ZBBX: variants seen among roughly 807,000 people sequenced by gnomAD.
ZBBX encodes zinc finger B-box domain containing.
In ZBBX, 101 loss-of-function variants were observed where a neutral mutation model predicts 108.5. The ratio of observed to expected loss-of-function variants is 0.93; its 90% CI spans 0.79 to 1.10. ZBBX has a LOEUF of 1.10. ZBBX is among the 50% of genes least tolerant of loss of function. The probability of loss-of-function intolerance (pLI) is 0.00; values close to 1 mark genes in which losing one functional copy is unlikely to be tolerated. For missense variants in ZBBX, 1,009 were observed against 941.4 expected (o/e 1.07, Z -0.94); for synonymous variants, 356 against 323.4 (o/e 1.10, Z -1.08).
chr3:167,181,045 T>C, the ZBBX span, among the ~76,000 whole-genome samples: 2,032 of 152,312 alleles, frequency 0.013, 22 homozygotes, highest in South Asian at 0.026. Flanking sequence ...CTTAAGTTAG[T>C]GGCTATTGTT....
At chr3:167,330,811 G>A (rs1346998275) in intron 10 of ZBBX, among the ~76,000 whole-genome samples, 3 of 147,966 alleles carry the variant, frequency 2.0e-5, no homozygotes, top group African/African-American at 7.5e-5. Flanking sequence ...AGAAGAAGGA[G>A]GAGGAGAAGC....
At chr3:167,215,251 A>G in the ZBBX span, among the ~76,000 whole-genome samples, 1 of 149,118 alleles carries the variant, frequency 6.7e-6, no homozygotes, top group Non-Finnish European at 1.5e-5. Context: ...TTAAAAATAA[A>G]AGAGAGAAGA....
the ZBBX span, among the ~76,000 whole-genome samples, chr3:167,203,284 A>C: frequency 6.6e-6 from 1 of 151,970 alleles, no homozygotes; most frequent in African/African-American, 2.4e-5. Context: ...TGTTTATAGC[A>C]ACACCAGTCA....
upstream of ZBBX, among the ~76,000 whole-genome samples, chr3:167,384,558 A>G (rs1747847891): frequency 6.6e-6 from 1 of 152,038 alleles, no homozygotes; most frequent in African/African-American, 2.4e-5. Context: ...GTTACTTAGG[A>G]GACAACCATA....
At chr3:167,363,342 C>A (rs1178712251) in intron 6 of ZBBX, among the ~76,000 whole-genome samples, 1 of 152,018 alleles carries the variant, frequency 6.6e-6, no homozygotes, top group Non-Finnish European at 1.5e-5. Context: ...AAATTCATCC[C>A]ATTTCCCTTA....
At chr3:167,333,337 A>G (rs149840653) in intron 10 of ZBBX, among the ~76,000 whole-genome samples, 1 of 152,252 alleles carries the variant, frequency 6.6e-6, no homozygotes, top group Non-Finnish European at 1.5e-5. Context: ...TATAGACATG[A>G]GTTGATAAAA....
intron 1 of ZBBX, among the ~76,000 whole-genome samples, chr3:167,403,586 A>G (rs1052533623): frequency 1.3e-5 from 2 of 152,118 alleles, no homozygotes; most frequent in Admixed American, 6.6e-5. Flanking sequence ...AAAATGAAAC[A>G]TTTATATTGT....
At position 167,240,701 on chromosome 3, in the gene ZBBX, C is replaced by A. The variant is rs1039359348; in HGVS notation, c.*92G>T. 13 of 1,443,604 alleles carry A rather than the reference C, an allele frequency of 9.0e-6. 1 individual carries two copies. In the South Asian group the frequency reaches 1.4e-4, roughly 15 times the overall value. The allele number at this position is 1,443,604 out of a possible 1,614,324, so 89.4% of individuals were successfully genotyped here. On this transcript the variant is annotated 3_prime_UTR_variant, in exon 22 of 22. Coordinates refer to ENST00000675490, the MANE Select transcript of ZBBX (RefSeq NM_001199201.2). ...TCAAAGACATTAGTAATCAAAATCT[C>A]CAGCACTTGGATAGGTAATCACTTG...
intron 1 of ZBBX, among the ~76,000 whole-genome samples, chr3:167,396,239 G>T (rs1748232202): frequency 6.6e-6 from 1 of 151,880 alleles, no homozygotes; most frequent in African/African-American, 2.4e-5. Flanking sequence ...CATTTCCCTG[G>T]CTCTGTGTCA....
intron 9 of ZBBX, among the ~76,000 whole-genome samples, chr3:167,348,368 G>GAAAGAAAGAAAGAAA (rs1431515037): frequency 1.8e-5 from 2 of 111,660 alleles, no homozygotes; most frequent in African/African-American, 6.8e-5. Flanking sequence ...AAGAAAGAAA[G>GAAAGAAAGAAAGAAA]AAAAAAAAGA....
rs927142044 is a variant in ZBBX, at chr3:167,305,873, T to A, written c.1495A>T (p.Ser499Cys). ...TTTAAATTTCTTTCAAAGGAGGTGC[T>A]TTCCTCAATTTTTTCAATGTCAGAA... ...YSSDIEKIEE[S>C]TSFERNLKEK... The change falls in exon 17 of 22, where the codon AGC (serine) becomes TGC (cysteine). Residue 499 changes from serine (S) to cysteine (C), a missense_variant. Coordinates refer to ENST00000675490, the MANE Select transcript of ZBBX (RefSeq NM_001199201.2). 16 of 1,608,562 alleles carry A rather than the reference T, an allele frequency of 9.9e-6. No homozygotes were observed. Among genetic ancestry groups the A allele is most frequent in the African/African-American group, 1.3e-5 (1 of 74,622 alleles).
intron 8 of ZBBX, among the ~76,000 whole-genome samples, chr3:167,359,161 T>C (rs1416928116): frequency 6.6e-6 from 1 of 152,106 alleles, no homozygotes; most frequent in Non-Finnish European, 1.5e-5. Context: ...AAATTTAACA[T>C]GGATGAATCA....
At chr3:167,226,173 GAGTT>G in the ZBBX span, among the ~76,000 whole-genome samples, 1 of 151,208 alleles carries the variant, frequency 6.6e-6, no homozygotes, top group Non-Finnish European at 1.5e-5. Flanking sequence ...AATAATAAAA[GAGTT>G]AGAGCCAGAT....
At chr3:167,349,779 T>C (rs893918213) in intron 9 of ZBBX, among the ~76,000 whole-genome samples, 2 of 152,094 alleles carry the variant, frequency 1.3e-5, no homozygotes, top group Non-Finnish European at 2.9e-5. Context: ...TAAATTACTA[T>C]AAAATGAATA....
intron 17 of ZBBX, among the ~76,000 whole-genome samples, chr3:167,300,029 C>G (rs1238107056): frequency 6.6e-6 from 1 of 152,112 alleles, no homozygotes; most frequent in Non-Finnish European, 1.5e-5. Context: ...TGGCCATCTC[C>G]TATAATAAGA....
At chr3:167,360,432 G>A (rs1029444665) in intron 7 of ZBBX, among the ~76,000 whole-genome samples, 1 of 151,558 alleles carries the variant, frequency 6.6e-6, no homozygotes, top group Non-Finnish European at 1.5e-5. Flanking sequence ...GAACAGTGCT[G>A]TAAAAGTCCT....
chr3:167,183,478 G>T, the ZBBX span, among the ~76,000 whole-genome samples: 1 of 152,200 alleles, frequency 6.6e-6, no homozygotes, highest in African/African-American at 2.4e-5. Flanking sequence ...AGGAATTAAA[G>T]ACACACACAC....
chr3:167,196,649 G>A, the ZBBX span, among the ~76,000 whole-genome samples: 214 of 152,136 alleles, frequency 1.4e-3, no homozygotes, highest in African/African-American at 4.9e-3. Context: ...AATGACTCTC[G>A]TTTATTCAGT....
rs2108582084 is a variant in ZBBX, at chr3:167,368,835, A to G, written c.69-261T>C. ...GGTTCAAAATTATAATTAACTTCAT[A>G]TATAAGGCATGTTTTTATATATGAA... On this transcript the variant is annotated intron_variant, in intron 4 of 21. Transcript: ENST00000675490. 4.9e-6 allele frequency: 3 copies of G among 611,624 alleles called. No homozygotes were observed. In the East Asian group the frequency reaches 2.4e-4, roughly 49 times the overall value. 37.9% of individuals were successfully genotyped at this position (611,624 alleles called of 1,614,324 possible).
Sources: allele counts gnomAD v4.1 joint callset (sites outside exome capture counted in the v4.1 genomes callset), GRCh38; gene constraint gnomAD v4.1.1; transcripts MANE v1.5; gene names NCBI Gene and HGNC (gene_info 2026-07-23, HGNC 2026-07-21).